INPP4B: variants seen among roughly 807,000 people sequenced by gnomAD.
INPP4B encodes inositol polyphosphate-4-phosphatase type II B.
A neutral mutation model predicts 122.5 loss-of-function variants in INPP4B; 55 were observed. The observed-to-expected ratio is 0.45, with a 90% CI of 0.36 to 0.56. The LOEUF is 0.56. Among genes scored for constraint, INPP4B ranks in the 20% least tolerant of loss-of-function variants. The pLI is 0.00. For missense variants in INPP4B, 1,000 were observed against 1,097.7 expected, an observed-to-expected ratio of 0.91 and a Z score of 1.26; for synonymous variants, 403 against 388.7, an observed-to-expected ratio of 1.04 and a Z score of -0.43.
At chr4:142,088,631 T>G in intron 23 of INPP4B, among the ~76,000 whole-genome samples, 1 of 152,184 alleles carries the variant, frequency 6.6e-6, no homozygotes, top group Non-Finnish European at 1.5e-5. Flanking sequence ...TGCAACTTAG[T>G]GTAATGCTTC....
At chr4:142,113,358 C>G (rs74582526) in intron 21 of INPP4B, among the ~76,000 whole-genome samples, 204 of 152,000 alleles carry the variant, frequency 1.3e-3, no homozygotes, top group African/African-American at 4.7e-3. Context: ...TCTTCTGATA[C>G]AGTGTGAATT....
chr4:142,386,448 T>C (rs1287729623), intron 7 of INPP4B, among the ~76,000 whole-genome samples: 1 of 152,216 alleles, frequency 6.6e-6, no homozygotes, highest in African/African-American at 2.4e-5. Context: ...CATGCTTCTA[T>C]ATTTGAGTCC....
At chr4:142,822,441 G>A (rs1393858547) in intron 1 of INPP4B, among the ~76,000 whole-genome samples, 2 of 152,138 alleles carry the variant, frequency 1.3e-5, no homozygotes, top group African/African-American at 4.8e-5. Context: ...AGCTGCAGGA[G>A]AGTGAGCATT....
chr4:142,259,146 T>C (rs1468214909), intron 11 of INPP4B, among the ~76,000 whole-genome samples: 8 of 138,998 alleles, frequency 5.8e-5, no homozygotes, highest in Admixed American at 8.1e-5. Context: ...TAGGTGGGAA[T>C]TGAACAATGA....
chr4:142,370,309 C>T (rs1789382963), intron 7 of INPP4B, among the ~76,000 whole-genome samples: 3 of 152,096 alleles, frequency 2.0e-5, no homozygotes, highest in Non-Finnish European at 2.9e-5. Flanking sequence ...AACCATTGCA[C>T]AATAAATCTC....
At chr4:142,560,876 C>A (rs1182706724) in intron 2 of INPP4B, among the ~76,000 whole-genome samples, 3 of 152,180 alleles carry the variant, frequency 2.0e-5, no homozygotes, top group Non-Finnish European at 4.4e-5. Flanking sequence ...ACTTTGCATC[C>A]TTCAATGCAG....
chr4:142,030,854 C>T (rs1335779631), intron 25 of INPP4B, among the ~76,000 whole-genome samples: 1 of 152,142 alleles, frequency 6.6e-6, no homozygotes, highest in African/African-American at 2.4e-5. Flanking sequence ...GACATGCCAT[C>T]CTTGCAAGCC....
intron 3 of INPP4B, among the ~76,000 whole-genome samples, chr4:142,454,996 T>C (rs1207085156): frequency 6.6e-6 from 1 of 152,024 alleles, no homozygotes; most frequent in Non-Finnish European, 1.5e-5. Context: ...TTTCCTCCTT[T>C]GTTTTCTCAT....
chr4:142,182,546 C>CAA (rs68095300), intron 15 of INPP4B, among the ~76,000 whole-genome samples: 2,258 of 30,612 alleles, frequency 0.074, 471 homozygotes, highest in African/African-American at 0.16. Flanking sequence ...GACTCTGTCT[C>CAA]AAAAAAAAAA....
chr4:142,103,501 C>T (rs564474222), intron 23 of INPP4B, among the ~76,000 whole-genome samples: 1 of 151,910 alleles, frequency 6.6e-6, no homozygotes, highest in Non-Finnish European at 1.5e-5. Context: ...AACTATACAA[C>T]GAGTGTCAGA....
At chr4:142,101,748 T>G (rs1784563913) in intron 23 of INPP4B, among the ~76,000 whole-genome samples, 1 of 152,176 alleles carries the variant, frequency 6.6e-6, no homozygotes, top group African/African-American at 2.4e-5. Context: ...GGAATATGAT[T>G]CTGTATATCT....
chr4:142,474,558 G>A (rs1819495015), intron 2 of INPP4B: 1 of 152,374 alleles, frequency 6.6e-6, no homozygotes, highest in African/African-American at 2.4e-5. Context: ...AGAGCTTTTA[G>A]CCCATCAGTC....
intron 1 of INPP4B, among the ~76,000 whole-genome samples, chr4:142,781,694 C>A (rs1007288721): frequency 6.6e-6 from 1 of 152,140 alleles, no homozygotes; most frequent in Non-Finnish European, 1.5e-5. Context: ...AATTTACACA[C>A]CCAGTGGAAA....
intron 7 of INPP4B, among the ~76,000 whole-genome samples, chr4:142,380,721 T>C (rs1579903398): frequency 1.3e-5 from 2 of 152,264 alleles, no homozygotes; most frequent in South Asian, 4.1e-4. Context: ...ATCTACTGTA[T>C]GTATCCTCCC....
At chr4:142,556,093 A>C (rs1018874829) in intron 2 of INPP4B, among the ~76,000 whole-genome samples, 4 of 152,100 alleles carry the variant, frequency 2.6e-5, no homozygotes, top group African/African-American at 9.7e-5. Context: ...GAGGCTCAGA[A>C]CTTCATTGTG....
chr4:142,791,016 C>T (rs1776479823), intron 1 of INPP4B, among the ~76,000 whole-genome samples: 1 of 152,036 alleles, frequency 6.6e-6, no homozygotes, highest in South Asian at 2.1e-4. Flanking sequence ...ATAGTTAATA[C>T]CTAGCATCTA....
intron 2 of INPP4B, among the ~76,000 whole-genome samples, chr4:142,563,786 C>T (rs755385024): frequency 1.3e-5 from 2 of 152,092 alleles, no homozygotes; most frequent in Non-Finnish European, 2.9e-5. Flanking sequence ...TCTGAGAACC[C>T]GCCACCTCCA....
intron 1 of INPP4B, among the ~76,000 whole-genome samples, chr4:142,769,434 ATAAC>A (rs1452451311): frequency 1.3e-5 from 2 of 152,210 alleles, no homozygotes; most frequent in Non-Finnish European, 2.9e-5. Flanking sequence ...TTAGTAAACT[ATAAC>A]TAAGCTACAT....
chr4:142,511,101 G>A (rs1269867397), intron 2 of INPP4B, among the ~76,000 whole-genome samples: 12 of 152,090 alleles, frequency 7.9e-5, no homozygotes, highest in Admixed American at 7.2e-4. Flanking sequence ...CTCTTTATGA[G>A]CTCCACAGGG....
Sources: gnomAD v4.1 joint callset for allele counts (sites outside exome capture counted in the v4.1 genomes callset) on GRCh38, gnomAD v4.1.1 for gene constraint, MANE v1.5 for transcripts, NCBI Gene and HGNC (gene_info 2026-07-23, HGNC 2026-07-21) for gene names.